MYZAP: variants seen among roughly 807,000 people sequenced by gnomAD.
The protein encoded by MYZAP is GRINL1A complex locus upstream.
A neutral mutation model predicts 69.4 loss-of-function variants in MYZAP; 66 were observed. The ratio of observed to expected loss-of-function variants is 0.95; its 90% CI spans 0.78 to 1.17. MYZAP has a LOEUF of 1.17. Among genes scored for constraint, MYZAP ranks in the 50% most tolerant of loss-of-function variants. The probability of loss-of-function intolerance (pLI) is 0.00; values close to 1 mark genes in which losing one functional copy is unlikely to be tolerated. For missense variants in MYZAP, 611 were observed against 556.2 expected (o/e 1.10, Z -0.99); for synonymous variants, 256 against 205.9 (o/e 1.24, Z -2.09).
intron 9 of MYZAP, 33 bp from the exon 10 acceptor site, chr15:57,639,407 G>A: frequency 2.5e-6 from 4 of 1,610,630 alleles, no homozygotes; most frequent in Non-Finnish European, 3.4e-6. Context: ...TTTGGTTTAG[G>A]ACTCATTTGC....
At chr15:57,599,551 C>T in intron 1 of MYZAP, 1 of 1,279,788 alleles carries the variant, frequency 7.8e-7, no homozygotes, top group South Asian at 1.3e-5. Flanking sequence ...TCGCATTGTG[C>T]ATAACACAAG....
intron 2 of MYZAP, among the ~76,000 whole-genome samples, chr15:57,609,571 A>G (rs1477392664): frequency 6.6e-6 from 1 of 152,152 alleles, no homozygotes; most frequent in African/African-American, 2.4e-5. Flanking sequence ...TATAATTCCT[A>G]GGTACTGGAG....
chr15:57,667,090 G>A (rs1199450464), intron 11 of MYZAP, among the ~76,000 whole-genome samples: 6 of 152,176 alleles, frequency 3.9e-5, no homozygotes, highest in Admixed American at 6.5e-5. Flanking sequence ...GGAGTCAAAT[G>A]TCTTGGTTTT....
chr15:57,651,740 C>T (rs531031349), intron 10 of MYZAP, among the ~76,000 whole-genome samples: 2 of 152,302 alleles, frequency 1.3e-5, no homozygotes, highest in African/African-American at 4.8e-5. Context: ...TTCTGAGAAT[C>T]GTGAGCTAAG....
intron 6 of MYZAP, among the ~76,000 whole-genome samples, chr15:57,632,201 C>G (rs1257872643): frequency 6.6e-6 from 1 of 152,158 alleles, no homozygotes; most frequent in Non-Finnish European, 1.5e-5. Context: ...TGGAGCATAC[C>G]TTTGTCCTGA....
intron 12 of MYZAP, among the ~76,000 whole-genome samples, chr15:57,675,749 C>G (rs2039083913): frequency 6.6e-6 from 1 of 152,190 alleles, no homozygotes; most frequent in African/African-American, 2.4e-5. Flanking sequence ...GCCTGTAACA[C>G]AGTAACCTGC....
intron 2 of MYZAP, among the ~76,000 whole-genome samples, chr15:57,607,692 C>A (rs1261022585): frequency 6.6e-6 from 1 of 152,140 alleles, no homozygotes; most frequent in Non-Finnish European, 1.5e-5. Context: ...AGTCTAAGTG[C>A]CTATGTGTGG....
intron 2 of MYZAP, among the ~76,000 whole-genome samples, chr15:57,607,726 G>T (rs1174533462): frequency 1.3e-5 from 2 of 152,340 alleles, no homozygotes; most frequent in Admixed American, 6.5e-5. Context: ...CACTGCAGAA[G>T]AACTGGGGTA....
chr15:57,599,839 T>C (rs1595849171), intron 1 of MYZAP: 1 of 557,856 alleles, frequency 1.8e-6, no homozygotes, highest in South Asian at 1.6e-5. Context: ...TTAGTGCTTC[T>C]GTTAGGGATT....
chr15:57,671,821 AT>A (rs1467958122), intron 11 of MYZAP, among the ~76,000 whole-genome samples: 3 of 152,074 alleles, frequency 2.0e-5, no homozygotes, highest in Non-Finnish European at 4.4e-5. Flanking sequence ...TGATGGCTGC[AT>A]TAAAGTCTTT....
At chr15:57,627,368 A>AGAGAGG (rs1326620333) in intron 5 of MYZAP, among the ~76,000 whole-genome samples, 1 of 95,236 alleles carries the variant, frequency 1.1e-5, no homozygotes, top group Non-Finnish European at 2.1e-5. Flanking sequence ...AGAGACAAAG[A>AGAGAGG]GAGAGGGAGA....
intron 2 of MYZAP, among the ~76,000 whole-genome samples, chr15:57,610,146 G>T (rs186908321): frequency 5.9e-5 from 9 of 152,318 alleles, no homozygotes; most frequent in African/African-American, 2.2e-4. Context: ...AGCTTTGGAG[G>T]TGTCCTTCAG....
At chr15:57,646,255 G>T (rs2037441355) in intron 10 of MYZAP, 1 of 1,288,164 alleles carries the variant, frequency 7.8e-7, no homozygotes, top group Non-Finnish European at 1.0e-6. Context: ...AAGAACACTT[G>T]TACACTCTCT....
rs2038335646 is a variant in MYZAP, at chr15:57,662,015, A to ATCCAGGATTTAG, written c.1203+482_1203+483insTCCAGGATTTAG. Reference sequence around the variant, plus strand: ...TTAATAAATGTCAGAGCCAGGCTGAAAGACTCCTAAATCCAGTGCTCTCCT... The same window carrying ATCCAGGATTTAG: ...TTAATAAATGTCAGAGCCAGGCTGAATCCAGGATTTAGAGACTCCTAAATCCAGTGCTCTCCT... On this transcript the variant is annotated intron_variant, in intron 11 of 12. Transcript: ENST00000267853. Among the ~76,000 whole-genome samples, 3 of 152,206 alleles carry ATCCAGGATTTAG rather than the reference A, an allele frequency of 2.0e-5. No individual in the cohort carries two copies. In the South Asian group the frequency reaches 6.2e-4, roughly 32 times the overall value.
intron 2 of MYZAP, among the ~76,000 whole-genome samples, chr15:57,610,811 G>A (rs2140355970): frequency 6.6e-6 from 1 of 152,142 alleles, no homozygotes; most frequent in African/African-American, 2.4e-5. Context: ...GGAGGAGCTG[G>A]GAATAGTGTC....
At chr15:57,605,089 C>T (rs1443591648) in intron 2 of MYZAP, among the ~76,000 whole-genome samples, 2 of 152,112 alleles carry the variant, frequency 1.3e-5, no homozygotes, top group Non-Finnish European at 2.9e-5. Flanking sequence ...GCCTGTGGTC[C>T]TGGCCGACCC....
At chr15:57,681,170 A>C (rs2733609) in intron 12 of MYZAP, among the ~76,000 whole-genome samples, 1 of 152,194 alleles carries the variant, frequency 6.6e-6, no homozygotes, top group South Asian at 2.1e-4. Context: ...TCTGTTATGC[A>C]GAATTTTCAC....
At chr15:57,639,932 C>G (rs774895785) in intron 10 of MYZAP, among the ~76,000 whole-genome samples, 3 of 152,158 alleles carry the variant, frequency 2.0e-5, no homozygotes, top group Non-Finnish European at 2.9e-5. Context: ...CTCTCTCTCT[C>G]TCTCTCAGCT....
At chr15:57,611,580 A>G (rs1219432157) in intron 2 of MYZAP, among the ~76,000 whole-genome samples, 2 of 152,144 alleles carry the variant, frequency 1.3e-5, no homozygotes, top group Admixed American at 6.5e-5. Flanking sequence ...TCAGGCTGCT[A>G]TCATTACAAA....
Sources: gnomAD v4.1 joint callset for allele counts (sites outside exome capture counted in the v4.1 genomes callset) on GRCh38, gnomAD v4.1.1 for gene constraint, MANE v1.5 for transcripts, NCBI Gene and HGNC (gene_info 2026-07-23, HGNC 2026-07-21) for gene names.